Variants in ZMAT4 observed in about 807,000 individuals in gnomAD.
ZMAT4 encodes the protein zinc finger matrin-type 4, also known as zinc finger matrin-type protein 4.
A neutral mutation model predicts 28.7 loss-of-function variants in ZMAT4; 17 were observed. That is an observed-to-expected ratio of 0.59 (90% confidence interval 0.41 to 0.89). The LOEUF is 0.89. ZMAT4 is among the 40% of genes least tolerant of loss of function. ZMAT4 has a pLI of 0.00. For missense variants in ZMAT4, 240 were observed against 283.8 expected, an observed-to-expected ratio of 0.85 and a Z score of 1.11; for synonymous variants, 117 against 109.2, an observed-to-expected ratio of 1.07 and a Z score of -0.44.
In ZMAT4 at chr8:40,530,837, G is replaced by A. The variant is rs372174933; in HGVS notation, c.*1386C>T. On this transcript the variant is annotated 3_prime_UTR_variant, in exon 7 of 7. Coordinates refer to ENST00000297737, the MANE Select transcript of ZMAT4 (RefSeq NM_024645.3). Reference sequence around the variant, plus strand: ...CTGGCAGACCTGGTCCCTCCTGAGCGGGCCCTGCTCAAGGGAATGGTGCCA... The same window carrying A: ...CTGGCAGACCTGGTCCCTCCTGAGCAGGCCCTGCTCAAGGGAATGGTGCCA... 6.6e-6 allele frequency: 1 copy of A among 152,562 alleles called. No individual in the cohort carries two copies. Among genetic ancestry groups the A allele is most frequent in the South Asian group, 2.1e-4 (1 of 4,824 alleles). 9.5% of individuals were successfully genotyped at this position (152,562 alleles called of 1,614,324 possible).
chr8:40,612,805 G>GTTTTTTTTT (rs1491257030), intron 5 of ZMAT4, among the ~76,000 whole-genome samples: 2 of 93,582 alleles, frequency 2.1e-5, no homozygotes, highest in East Asian at 2.1e-4. Flanking sequence ...CTGTATTTTG[G>GTTTTTTTTT]TTTTTGTTTT....
intron 1 of ZMAT4, among the ~76,000 whole-genome samples, chr8:40,829,213 G>C (rs1381693465): frequency 6.6e-6 from 1 of 152,206 alleles, no homozygotes; most frequent in Non-Finnish European, 1.5e-5. Flanking sequence ...GTCTGAAACA[G>C]ATCTGAAAGA....
At chr8:40,595,359 C>A (rs1805054879) in intron 5 of ZMAT4, among the ~76,000 whole-genome samples, 1 of 152,084 alleles carries the variant, frequency 6.6e-6, no homozygotes, top group South Asian at 2.1e-4. Flanking sequence ...TACAAACACA[C>A]ACACATATAT....
At chr8:40,576,462 A>G (rs1804267268) in intron 6 of ZMAT4, among the ~76,000 whole-genome samples, 1 of 152,004 alleles carries the variant, frequency 6.6e-6, no homozygotes, top group Admixed American at 6.6e-5. Flanking sequence ...CATCAGACTA[A>G]CAACCGATTT....
chr8:40,783,232 TG>T lies in ZMAT4; in HGVS notation c.103-15503del, dbSNP rs1408311688. 5.3e-5 allele frequency among the ~76,000 whole-genome samples: 8 copies of T among 152,316 alleles called. No individual in the cohort carries two copies. The East Asian group carries it at 1.5e-3, about 29-fold the overall frequency. ...AATATCATTCAGCTATAGAAAGGAA[TG>T]AAACTCTCACACATGCTACAACATG... On this transcript the variant is annotated intron_variant, in intron 2 of 6. Coordinates refer to ENST00000297737, the MANE Select transcript of ZMAT4 (RefSeq NM_024645.3).
At chr8:40,722,193 G>A (rs1811130693) in intron 3 of ZMAT4, among the ~76,000 whole-genome samples, 2 of 151,934 alleles carry the variant, frequency 1.3e-5, no homozygotes, top group Non-Finnish European at 2.9e-5. Flanking sequence ...TTAAACTAAA[G>A]AGCTTCTGCA....
intron 3 of ZMAT4, among the ~76,000 whole-genome samples, chr8:40,728,312 GAAAC>G (rs762849167): frequency 2.0e-5 from 3 of 152,194 alleles, no homozygotes; most frequent in Non-Finnish European, 4.4e-5. Flanking sequence ...GCTAACCACT[GAAAC>G]AAACAAACTC....
At chr8:40,539,625 G>A (rs1390126627) in intron 6 of ZMAT4, among the ~76,000 whole-genome samples, 1 of 152,060 alleles carries the variant, frequency 6.6e-6, no homozygotes, top group East Asian at 1.9e-4. Context: ...CTTCCTCCTA[G>A]GAATGTCATG....
At chr8:40,552,858 A>G (rs1046600695) in intron 6 of ZMAT4, among the ~76,000 whole-genome samples, 2 of 151,900 alleles carry the variant, frequency 1.3e-5, no homozygotes, top group African/African-American at 4.8e-5. Flanking sequence ...TCTTCACCCC[A>G]CCTCCCGTCG....
At chr8:40,658,665 A>ACACAG (rs1808047925) in intron 5 of ZMAT4, among the ~76,000 whole-genome samples, 2 of 120,842 alleles carry the variant, frequency 1.7e-5, no homozygotes, top group African/African-American at 7.2e-5. Context: ...CACACACACA[A>ACACAG]ACACAAAACT....
chr8:40,732,186 A>G (rs572818413), intron 3 of ZMAT4, among the ~76,000 whole-genome samples: 162 of 152,282 alleles, frequency 1.1e-3, no homozygotes, highest in Admixed American at 3.5e-3. Flanking sequence ...ATACCAATGA[A>G]CTGTATGCTT....
intron 5 of ZMAT4, among the ~76,000 whole-genome samples, chr8:40,674,024 A>C (rs565974327): frequency 6.6e-6 from 1 of 150,722 alleles, no homozygotes; most frequent in East Asian, 2.0e-4. Context: ...TTTTGGCTAA[A>C]TTTATAAAAG....
intron 2 of ZMAT4, among the ~76,000 whole-genome samples, chr8:40,784,229 T>C (rs1448722335): frequency 6.6e-6 from 1 of 152,166 alleles, no homozygotes; most frequent in African/African-American, 2.4e-5. Context: ...TATATCATGA[T>C]CAATCATGGA....
intron 3 of ZMAT4, among the ~76,000 whole-genome samples, chr8:40,707,214 GC>G (rs1229240579): frequency 5.7e-5 from 5 of 87,208 alleles, no homozygotes; most frequent in African/African-American, 2.1e-4. Context: ...CTTCAGGCCT[GC>G]CCCCCCACCC....
intron 2 of ZMAT4, among the ~76,000 whole-genome samples, chr8:40,795,275 C>T (rs745730701): frequency 3.2e-4 from 49 of 152,138 alleles, no homozygotes; most frequent in Non-Finnish European, 5.7e-4. Context: ...TGCACACTCA[C>T]GTGAAACACC....
chr8:40,552,459 C>A (rs1803395413), intron 6 of ZMAT4, among the ~76,000 whole-genome samples: 1 of 152,168 alleles, frequency 6.6e-6, no homozygotes. Flanking sequence ...CTTTCTCATA[C>A]CAAACTCTGT....
intron 5 of ZMAT4, among the ~76,000 whole-genome samples, chr8:40,644,434 C>T (rs1807205946): frequency 6.6e-6 from 1 of 151,968 alleles, no homozygotes; most frequent in Admixed American, 6.6e-5. Flanking sequence ...TTGAGTATAT[C>T]AAAGGCACAT....
intron 6 of ZMAT4, among the ~76,000 whole-genome samples, chr8:40,559,991 A>G (rs988774467): frequency 1.3e-5 from 2 of 152,060 alleles, no homozygotes; most frequent in Admixed American, 6.6e-5. Context: ...GGGGCTGGGC[A>G]AAGACTCCAT....
At chr8:40,683,983 G>A (rs1215309486) in intron 4 of ZMAT4, among the ~76,000 whole-genome samples, 1 of 151,782 alleles carries the variant, frequency 6.6e-6, no homozygotes, top group Non-Finnish European at 1.5e-5. Context: ...TGGGAGGATT[G>A]CTTGATCCCA....
Sources: gnomAD v4.1 joint callset for allele counts (sites outside exome capture counted in the v4.1 genomes callset) on GRCh38, gnomAD v4.1.1 for gene constraint, MANE v1.5 for transcripts, NCBI Gene and HGNC (gene_info 2026-07-23, HGNC 2026-07-21) for gene names.